SMG6: variants seen among roughly 807,000 people sequenced by gnomAD.
The protein encoded by SMG6 is SMG6 nonsense mediated mRNA decay factor, also known as telomerase-binding protein EST1A.
Under a neutral mutation model 142.2 loss-of-function variants are expected in SMG6, and 66 were observed. That is an observed-to-expected ratio of 0.46 (90% confidence interval 0.38 to 0.57). The LOEUF is 0.57. Ranked by LOEUF, SMG6 falls within the 20% of genes least tolerant of loss-of-function variation. SMG6 has a pLI of 0.00. For synonymous variants in SMG6, 779 were observed against 702.4 expected (o/e 1.11, Z -1.72); for missense variants, 1,793 against 1,832.0 (o/e 0.98, Z 0.39).
At chr17:2,067,909 C>T (rs114302854) in intron 16 of SMG6, among the ~76,000 whole-genome samples, 1 of 152,188 alleles carries the variant, frequency 6.6e-6, no homozygotes, top group African/African-American at 2.4e-5. Context: ...GACTGCCAGT[C>T]TGGTGGCTTT....
At chr17:2,127,718 C>T (rs959379306) in intron 13 of SMG6, 1 of 565,194 alleles carries the variant, frequency 1.8e-6, no homozygotes, top group Non-Finnish European at 3.5e-6. Flanking sequence ...TTAATCACTT[C>T]ATCCATTACT....
chr17:2,075,475 T>C (rs2068231348), intron 15 of SMG6, among the ~76,000 whole-genome samples: 1 of 152,176 alleles, frequency 6.6e-6, no homozygotes, highest in Non-Finnish European at 1.5e-5. Context: ...TCAGGAAACC[T>C]GACCCCGCCC....
Position 2,061,467 on chromosome 17 carries a change from G to GGA in SMG6, c.*24_*25insTC. 1 of 1,559,670 alleles carries GGA rather than the reference G, an allele frequency of 6.4e-7. No homozygotes were observed. The highest frequency in any genetic ancestry group is 8.7e-7 in the Non-Finnish European group (1 of 1,151,430). ...GTGGCCTTTCAGGAACGGTTCCACG[G>GGA]GGGGGGGGCCCCAGTGTGGCTCCCT... On this transcript the variant is annotated 3_prime_UTR_variant, in exon 19 of 19. Coordinates refer to ENST00000263073, the MANE Select transcript of SMG6 (RefSeq NM_017575.5).
intron 8 of SMG6, among the ~76,000 whole-genome samples, chr17:2,266,351 A>T (rs2074423053): frequency 6.6e-6 from 1 of 152,116 alleles, no homozygotes; most frequent in Non-Finnish European, 1.5e-5. Flanking sequence ...ACTCTCGGGG[A>T]GGATGAAAAA....
intron 13 of SMG6, among the ~76,000 whole-genome samples, chr17:2,153,527 G>A (rs538507355): frequency 1.8e-4 from 27 of 152,256 alleles, no homozygotes; most frequent in Non-Finnish European, 2.8e-4. Flanking sequence ...GTTGCTAAGA[G>A]TCTCTATGGC....
At position 2,299,233 on chromosome 17, in the gene SMG6, G is replaced by A; in HGVS notation, c.1520C>T (p.Pro507Leu). 1 of 1,614,038 alleles carries A rather than the reference G, an allele frequency of 6.2e-7. No individual in the cohort carries two copies. The highest frequency in any genetic ancestry group is 8.5e-7 in the Non-Finnish European group (1 of 1,180,000). Residue 507 changes from proline (P) to leucine (L), a missense_variant, in exon 2 of 19, where the codon CCC becomes CTC. Around this residue, in one of 3 missense-constraint regions of SMG6, gnomAD observed 1,597 missense variants for 1,584.6 expected, o/e 1.01. Transcript: ENST00000263073. The surrounding 1 kb of genome is among the most constrained non-coding windows in gnomAD (Gnocchi z 4.3). ...SYYKFQNSDN[P>L]YYYPRTPGPA... ...GCCTGGTGTCCGGGGGTAATAATAG[G>A]GGTTGTCAGAGTTTTGAAACTTATA...
intron 13 of SMG6, among the ~76,000 whole-genome samples, chr17:2,100,735 T>TG (rs1165635712): frequency 6.6e-6 from 1 of 152,132 alleles, no homozygotes; most frequent in African/African-American, 2.4e-5. Flanking sequence ...TTTGTAGAGA[T>TG]GGGGTCTCGC....
chr17:2,273,139 C>T (rs925985209), intron 8 of SMG6, among the ~76,000 whole-genome samples: 1 of 152,118 alleles, frequency 6.6e-6, no homozygotes, highest in East Asian at 1.9e-4. Context: ...AGTTATAGTG[C>T]TGTTAGGCAG....
chr17:2,259,668 G>C (rs1456590551), intron 8 of SMG6, among the ~76,000 whole-genome samples: 3 of 100,266 alleles, frequency 3.0e-5, no homozygotes, highest in Admixed American at 2.5e-4. Flanking sequence ...ACGAGACCCT[G>C]TCTCCAAAAA....
At chr17:2,123,240 G>A (rs187060363) in intron 13 of SMG6, among the ~76,000 whole-genome samples, 38 of 152,304 alleles carry the variant, frequency 2.5e-4, no homozygotes, top group African/African-American at 7.9e-4. Context: ...TCGCCACCTC[G>A]GTCAGTGGCA....
intron 6 of SMG6, among the ~76,000 whole-genome samples, chr17:2,286,108 G>A (rs1041201743): frequency 5.9e-5 from 9 of 152,076 alleles, no homozygotes; most frequent in Admixed American, 5.2e-4. Flanking sequence ...TATACACAGG[G>A]TTAAAAGAAA....
chr17:2,108,268 T>C (rs1325651314), intron 13 of SMG6, among the ~76,000 whole-genome samples: 2 of 152,178 alleles, frequency 1.3e-5, no homozygotes, highest in Non-Finnish European at 2.9e-5. Flanking sequence ...GGAGTCTTCT[T>C]AGCCACTCTC....
At chr17:2,283,069 C>T (rs562143913) in intron 7 of SMG6, among the ~76,000 whole-genome samples, 2 of 152,290 alleles carry the variant, frequency 1.3e-5, no homozygotes, top group Admixed American at 1.3e-4. Context: ...ACTCGGGAGG[C>T]TGAGGCATGA....
chr17:2,069,875 A>G (rs1352687149), intron 15 of SMG6, among the ~76,000 whole-genome samples: 1 of 152,098 alleles, frequency 6.6e-6, no homozygotes, highest in Admixed American at 6.6e-5. Context: ...TACCAGCTAC[A>G]CTATTATTTA....
intron 13 of SMG6, among the ~76,000 whole-genome samples, chr17:2,146,353 G>A (rs972784117): frequency 3.9e-5 from 6 of 152,136 alleles, no homozygotes; most frequent in Admixed American, 3.3e-4. Flanking sequence ...CTTGACCCTT[G>A]CCCTAGTTCA....
At position 2,300,541 on chromosome 17, in the gene SMG6, C is replaced by G. The variant is rs1263874805; in HGVS notation, c.212G>C (p.Ser71Thr). 17 of 1,613,982 alleles carry G rather than the reference C, an allele frequency of 1.1e-5. No individual in the cohort carries two copies. Among genetic ancestry groups the G allele is most frequent in the Non-Finnish European group, 1.4e-5 (16 of 1,180,006 alleles). The change falls in exon 2 of 19, where the codon AGT (serine) becomes ACT (threonine). Residue 71 changes from serine (S) to threonine (T), a missense_variant. Transcript: ENST00000263073. ...AACAATTTCATCTTTGAATTCCTCA[C>G]TCCCAGGGGGTTCCTTGATTTTGGG... is the stretch of plus-strand genomic sequence containing the variant. ...NKPKIKEPPGSEEFKDEIVND... is the reference protein window; with the variant it reads ...NKPKIKEPPGTEEFKDEIVND...
chr17:2,242,935 C>T (rs1358806205), intron 9 of SMG6, among the ~76,000 whole-genome samples: 1 of 152,078 alleles, frequency 6.6e-6, no homozygotes, highest in Non-Finnish European at 1.5e-5. Context: ...GCAATCCATC[C>T]GTCTTTTTAT....
At position 2,172,803 on chromosome 17, in the gene SMG6, A is replaced by G. The variant is rs1424444404; in HGVS notation, c.3212T>C (p.Val1071Ala). ...LADFCNILTA[V>A]NQSEVPLYKD... Reference sequence around the variant, plus strand: ...GTACAGTGGCACCTCAGACTGATTCACTGCAGTCAGTATGTTACAGAAATC... The same window carrying G: ...GTACAGTGGCACCTCAGACTGATTCGCTGCAGTCAGTATGTTACAGAAATC... The change falls in exon 13 of 19, where the codon GTG (valine) becomes GCG (alanine). Residue 1071 changes from valine (V) to alanine (A), a missense_variant. Physicochemically the swap from Val to Ala is moderately conservative, Grantham distance 64. Transcript: ENST00000263073. 1.2e-6 allele frequency: 2 copies of G among 1,614,068 alleles called. No homozygotes were observed. The highest frequency in any genetic ancestry group is 8.5e-7 in the Non-Finnish European group (1 of 1,180,042).
chr17:2,078,233 T>A (rs2068314138), intron 15 of SMG6, among the ~76,000 whole-genome samples: 1 of 152,122 alleles, frequency 6.6e-6, no homozygotes, highest in Admixed American at 6.5e-5. Flanking sequence ...TGACCTAGAA[T>A]AGTAGTAGTG....
Sources: gnomAD v4.1 joint callset for allele counts (sites outside exome capture counted in the v4.1 genomes callset) on GRCh38, gnomAD v4.1.1 for gene constraint, gnomAD v4.1.1 regional missense constraint, Gnocchi (gnomAD v3.1) non-coding constraint, MANE v1.5 for transcripts, NCBI Gene and HGNC (gene_info 2026-07-23, HGNC 2026-07-21) for gene names.